PBX4: variants seen among roughly 807,000 people sequenced by gnomAD.
The protein encoded by PBX4 is PBX homeobox 4, also known as pre-B-cell leukemia transcription factor 4.
PBX4 carries 26 observed loss-of-function variants against 35.1 expected under a neutral mutation model. The ratio of observed to expected loss-of-function variants is 0.74; its 90% confidence interval spans 0.54 to 1.03. PBX4 has a LOEUF of 1.03. Among genes scored for constraint, PBX4 ranks in the 50% least tolerant of loss-of-function variants. The probability of loss-of-function intolerance (pLI) is 0.00; values close to 1 mark genes in which losing one functional copy is unlikely to be tolerated. For synonymous variants in PBX4, 199 were observed against 204.2 expected (o/e 0.97, Z 0.22); for missense variants, 448 against 504.3 (o/e 0.89, Z 1.07).
At chr19:19,592,164 T>A (rs962984590) in intron 2 of PBX4, among the ~76,000 whole-genome samples, 1 of 152,136 alleles carries the variant, frequency 6.6e-6, no homozygotes, top group African/African-American at 2.4e-5. Context: ...ATTATAGGCG[T>A]GAGCCACTGT....
At chr19:19,574,115 G>A (rs2061404474) in intron 2 of PBX4, among the ~76,000 whole-genome samples, 1 of 152,106 alleles carries the variant, frequency 6.6e-6, no homozygotes, top group Admixed American at 6.5e-5. Flanking sequence ...GAGCTCAAGC[G>A]ATCCACCCGC....
chr19:19,584,476 CGAA>C (rs966161880), intron 2 of PBX4, among the ~76,000 whole-genome samples: 2 of 152,010 alleles, frequency 1.3e-5, no homozygotes, highest in African/African-American at 2.4e-5. Flanking sequence ...CAAGGCATGA[CGAA>C]GAAGATGTGA....
At chr19:19,610,067 C>T (rs1265324669) in intron 1 of PBX4, among the ~76,000 whole-genome samples, 2 of 152,140 alleles carry the variant, frequency 1.3e-5, no homozygotes, top group African/African-American at 4.8e-5. Flanking sequence ...AAAGCTATTT[C>T]AAAGGGGATT....
At chr19:19,606,743 C>G (rs2061633774) in intron 1 of PBX4, 1 of 152,170 alleles carries the variant, frequency 6.6e-6, no homozygotes, top group South Asian at 2.1e-4. Flanking sequence ...CTTTGGGAGG[C>G]TGAAGCGGGC....
At chr19:19,606,041 AG>A (rs2061629202) in intron 1 of PBX4, among the ~76,000 whole-genome samples, 2 of 152,136 alleles carry the variant, frequency 1.3e-5, no homozygotes, top group African/African-American at 4.8e-5. Context: ...AGTGAGGAAA[AG>A]GGGACTGACT....
intron 1 of PBX4, among the ~76,000 whole-genome samples, chr19:19,603,477 T>C (rs2061609961): frequency 6.6e-6 from 1 of 151,996 alleles, no homozygotes; most frequent in African/African-American, 2.4e-5. Flanking sequence ...CACAGCTAAT[T>C]TTTGTATTTT....
At chr19:19,565,155 G>GACACAA in intron 5 of PBX4, 66 bp from the exon 6 acceptor site, 1 of 1,593,394 alleles carries the variant, frequency 6.3e-7, no homozygotes, top group African/African-American at 1.3e-5. Context: ...CGCAGTCTGT[G>GACACAA]GGTTCCCTGG....
chr19:19,591,738 A>G (rs2061529628), intron 2 of PBX4, among the ~76,000 whole-genome samples: 1 of 152,224 alleles, frequency 6.6e-6, no homozygotes. Context: ...GCTCATGTGG[A>G]GGTAAAGCCT....
At chr19:19,566,769 G>A (rs1413888805) in intron 5 of PBX4, among the ~76,000 whole-genome samples, 1 of 150,602 alleles carries the variant, frequency 6.6e-6, no homozygotes, top group Middle Eastern at 3.2e-3. Flanking sequence ...GGAGTGCAGT[G>A]GTGCGACCTC....
intron 6 of PBX4, among the ~76,000 whole-genome samples, chr19:19,564,589 C>T (rs2061329485): frequency 6.6e-6 from 1 of 152,144 alleles, no homozygotes; most frequent in African/African-American, 2.4e-5. Context: ...TCAGTAGAGA[C>T]AGGGTTTCAC....
chr19:19,564,506 G>A (rs1021124881), intron 6 of PBX4, among the ~76,000 whole-genome samples: 30 of 151,984 alleles, frequency 2.0e-4, no homozygotes, highest in East Asian at 7.7e-4. Flanking sequence ...CTCGTGATCC[G>A]CCCGCCTCGG....
At chr19:19,599,992 A>C in intron 1 of PBX4, among the ~76,000 whole-genome samples, 1 of 150,296 alleles carries the variant, frequency 6.7e-6, no homozygotes, top group East Asian at 1.9e-4. Flanking sequence ...AAAAAAAAAA[A>C]TTCGCCAGGA....
chr19:19,604,912 CT>C (rs1219694554), intron 1 of PBX4, among the ~76,000 whole-genome samples: 1 of 151,850 alleles, frequency 6.6e-6, no homozygotes, highest in Admixed American at 6.6e-5. Flanking sequence ...GTTAGTCTTT[CT>C]TATAAGGTAT....
At position 19,570,649 on chromosome 19, in the gene PBX4, G is replaced by T; in HGVS notation, c.378C>A (p.Asp126Glu). ...CPNDNSIEHS[D>E]YRAKLSQIRQ... Reference sequence around the variant, plus strand: ...GGATCTGGGACAGCTTGGCCCTGTAGTCAGAGTGCTCAATGCTATTGTCAT... The same window carrying T: ...GGATCTGGGACAGCTTGGCCCTGTATTCAGAGTGCTCAATGCTATTGTCAT... Residue 126 changes from aspartate (D) to glutamate (E), a missense_variant, in exon 3 of 8, where the codon GAC becomes GAA. By Grantham distance (45) the Asp-to-Glu change is conservative. Transcript: ENST00000251203. 1 of 1,614,202 alleles carries T rather than the reference G, an allele frequency of 6.2e-7. No homozygotes were observed. Among genetic ancestry groups the T allele is most frequent in the Non-Finnish European group, 8.5e-7 (1 of 1,180,032 alleles).
chr19:19,606,144 T>A (rs778305610), intron 1 of PBX4, among the ~76,000 whole-genome samples: 12 of 152,190 alleles, frequency 7.9e-5, no homozygotes, highest in Non-Finnish European at 1.2e-4. Context: ...ATAATCCTTT[T>A]TCCTTGAGTT....
chr19:19,569,549 T>G lies in PBX4; in HGVS notation c.668A>C (p.Glu223Ala). 6.2e-7 allele frequency: 1 copy of G among 1,613,766 alleles called. No individual in the cohort carries two copies. The highest frequency in any genetic ancestry group is 8.5e-7 in the Non-Finnish European group (1 of 1,179,850). Residue 223 changes from glutamate (E) to alanine (A), a missense_variant, in exon 5 of 8, where the codon GAA becomes GCA. By Grantham distance (107) the Glu-to-Ala change is moderately radical. Transcript: ENST00000251203. ...GGAGTAAAAATACTCATTCAGCACT[T>G]CCGTCGCCTGCTTGCTGAAATTCCG... Reference protein sequence around the residue: ...KRRNFSKQATEVLNEYFYSHL... With the variant: ...KRRNFSKQATAVLNEYFYSHL...
chr19:19,592,509 C>T (rs1466250365), intron 2 of PBX4, among the ~76,000 whole-genome samples: 3 of 152,118 alleles, frequency 2.0e-5, no homozygotes, highest in Admixed American at 6.5e-5. Flanking sequence ...TGCATACCTC[C>T]GACAGGCCAT....
intron 2 of PBX4, among the ~76,000 whole-genome samples, chr19:19,571,893 C>T (rs1013562841): frequency 2.0e-5 from 3 of 151,508 alleles, no homozygotes; most frequent in East Asian, 2.0e-4. Context: ...ATTAGCCAAG[C>T]GTGGTGGCGC....
intron 1 of PBX4, among the ~76,000 whole-genome samples, chr19:19,614,424 G>A (rs528365988): frequency 3.4e-4 from 50 of 147,828 alleles, no homozygotes; most frequent in African/African-American, 1.1e-3. Context: ...ATCTGAGGTC[G>A]GGAGTTTGAG....
Sources: gnomAD v4.1 joint callset for allele counts (sites outside exome capture counted in the v4.1 genomes callset) on GRCh38, gnomAD v4.1.1 for gene constraint, MANE v1.5 for transcripts, NCBI Gene and HGNC (gene_info 2026-07-23, HGNC 2026-07-21) for gene names.